The following CAMK2A variants were observed in gnomAD, a reference collection of about 807,000 sequenced individuals.
The protein encoded by CAMK2A is calcium/calmodulin-dependent protein kinase type II subunit alpha.
A neutral mutation model predicts 79.2 loss-of-function variants in CAMK2A; 7 were observed. The observed-to-expected ratio is 0.09, with a 90% CI of 0.05 to 0.17. CAMK2A has a LOEUF of 0.17. Among genes scored for constraint, CAMK2A ranks in the 10% least tolerant of loss-of-function variants. The pLI is 1.00. For synonymous variants in CAMK2A, 242 were observed against 251.7 expected (o/e 0.96, Z 0.36); for missense variants, 214 against 646.4 (o/e 0.33, Z 7.25).
Position 150,250,150 on chromosome 5 carries a change from G to C in CAMK2A, c.900+76C>G, listed in dbSNP as rs74642979. 3.9e-6 allele frequency: 4 copies of C among 1,021,244 alleles called. No individual in the cohort carries two copies. The South Asian group carries it at 5.2e-5, about 13-fold the overall frequency. 63.3% of individuals were successfully genotyped at this position (1,021,244 alleles called of 1,614,324 possible). A position where few individuals can be genotyped will look rare whatever the true frequency, so the allele number is the denominator to read the frequency against. ...TCAATGAAGGAAAGAATTAGTGAGC[G>C]AGTCTCCTGGCCTCTGTGGAGACCC... On this transcript the variant is annotated intron_variant, in intron 11 of 18. Transcript: ENST00000671881.
intron 12 of CAMK2A, among the ~76,000 whole-genome samples, chr5:150,246,332 A>G (rs1343740145): frequency 6.6e-6 from 1 of 152,172 alleles, no homozygotes; most frequent in East Asian, 1.9e-4. Context: ...GGGTTGGACT[A>G]GGATGTGCAG....
intron 3 of CAMK2A, among the ~76,000 whole-genome samples, chr5:150,260,384 G>A (rs564069548): frequency 1.3e-4 from 20 of 151,700 alleles, no homozygotes; most frequent in Non-Finnish European, 2.6e-4. Context: ...GTGTGAACCC[G>A]GGAGGCAGAG....
At position 150,221,673 on chromosome 5, in the gene CAMK2A, G is replaced by T; in HGVS notation, c.*1037C>A. 2.5e-6 allele frequency: 1 copy of T among 394,688 alleles called. No homozygotes were observed. Among genetic ancestry groups the T allele is most frequent in the South Asian group, 1.3e-4 (1 of 7,624 alleles). 24.4% of individuals were successfully genotyped at this position (394,688 alleles called of 1,614,324 possible). A position where few individuals can be genotyped will look rare whatever the true frequency, so the allele number is the denominator to read the frequency against. On this transcript the variant is annotated 3_prime_UTR_variant, in exon 19 of 19. Coordinates refer to ENST00000671881, the MANE Select transcript of CAMK2A (RefSeq NM_015981.4). ...AGCTCACCTTGGGACCGAAATGGCA[G>T]AGAGGCCCTTCTCCCCGGAGCTGAG...
At chr5:150,245,036 T>C (rs1755502206) in intron 13 of CAMK2A, 125 bp downstream of exon 13, 5 of 910,922 alleles carry the variant, frequency 5.5e-6, no homozygotes, top group East Asian at 5.2e-5. Flanking sequence ...TGGCCACAAA[T>C]GTGGCCCACG....
intron 3 of CAMK2A, among the ~76,000 whole-genome samples, chr5:150,260,429 A>C (rs1233406302): frequency 6.6e-6 from 1 of 150,482 alleles, no homozygotes; most frequent in Non-Finnish European, 1.5e-5. Flanking sequence ...ACTGCACTCC[A>C]GCCTGGGTGA....
chr5:150,246,857 C>T (rs556216871), intron 12 of CAMK2A, among the ~76,000 whole-genome samples: 1 of 152,364 alleles, frequency 6.6e-6, no homozygotes, highest in African/African-American at 2.4e-5. Context: ...TGCCCTCTTG[C>T]TGTGGTGCTG....
chr5:150,235,291 C>T (rs1015814892), intron 15 of CAMK2A, among the ~76,000 whole-genome samples: 1 of 152,226 alleles, frequency 6.6e-6, no homozygotes, highest in East Asian at 1.9e-4. Context: ...GTGCTTCTTA[C>T]ATCTGGAAAG....
chr5:150,222,342 C>T lies in CAMK2A; in HGVS notation c.*368G>A, dbSNP rs1228327306. 3.3e-6 allele frequency: 2 copies of T among 609,124 alleles called. No individual in the cohort carries two copies. Among genetic ancestry groups the T allele is most frequent in the East Asian group, 5.5e-5 (2 of 36,570 alleles). 37.7% of individuals were successfully genotyped at this position (609,124 alleles called of 1,614,324 possible). A position where few individuals can be genotyped will look rare whatever the true frequency, so the allele number is the denominator to read the frequency against. ...TGCTGCCTTCCTCATCATGCCACCC[C>T]TCCTTCTCCCCAGCCCCTGGTGGGC... On this transcript the variant is annotated 3_prime_UTR_variant, in exon 19 of 19. Transcript: ENST00000671881.
intron 13 of CAMK2A, among the ~76,000 whole-genome samples, chr5:150,241,116 G>T (rs1562150725): frequency 6.6e-6 from 1 of 152,230 alleles, no homozygotes; most frequent in Non-Finnish European, 1.5e-5. Flanking sequence ...TGGGCCAGGA[G>T]TGGCCTTTGA....
In CAMK2A at chr5:150,221,518, G is replaced by A. The variant is rs946874282; in HGVS notation, c.*1192C>T. On this transcript the variant is annotated 3_prime_UTR_variant, in exon 19 of 19. Coordinates refer to ENST00000671881, the MANE Select transcript of CAMK2A (RefSeq NM_015981.4). ...TTCGGTAGAGAAGACCCCAGTTTGC[G>A]AGGGAAGCAAAGAAAAGTCCAGGTA... 2.3e-5 allele frequency: 9 copies of A among 398,576 alleles called. No homozygotes were observed. In the Admixed American group the frequency reaches 3.1e-4, roughly 14 times the overall value. The allele number at this position is 398,576 out of a possible 1,614,324, so 24.7% of individuals were successfully genotyped here. A position where few individuals can be genotyped will look rare whatever the true frequency, so the allele number is the denominator to read the frequency against.
intron 17 of CAMK2A, 100 bp downstream of exon 17, chr5:150,228,092 G>A: frequency 1.0e-6 from 1 of 1,003,718 alleles, no homozygotes; most frequent in Non-Finnish European, 1.5e-6. Context: ...GCTGGCTCCT[G>A]AGCCGCCCCT....
intron 1 of CAMK2A, among the ~76,000 whole-genome samples, chr5:150,288,302 T>C (rs1251537849): frequency 6.6e-6 from 1 of 152,168 alleles, no homozygotes; most frequent in Admixed American, 6.5e-5. Context: ...TGTGCACATT[T>C]AATGAGTCAT....
chr5:150,288,927 C>T (rs1407621752), intron 1 of CAMK2A, among the ~76,000 whole-genome samples: 1 of 152,208 alleles, frequency 6.6e-6, no homozygotes, highest in Admixed American at 6.5e-5. Flanking sequence ...CAGCGGTGCT[C>T]CCCGCTACAG....
chr5:150,228,343 G>T, intron 16 of CAMK2A, 57 bp from the exon 17 acceptor site: 2 of 1,239,102 alleles, frequency 1.6e-6, no homozygotes, highest in South Asian at 1.3e-5. Context: ...TTGGACCCTT[G>T]GAGGGTGAGC....
intron 6 of CAMK2A, among the ~76,000 whole-genome samples, chr5:150,254,352 C>T (rs1485652603): frequency 6.6e-6 from 1 of 152,196 alleles, no homozygotes; most frequent in East Asian, 1.9e-4. Flanking sequence ...GGGGGCCACA[C>T]AGCAGGCACT....
intron 1 of CAMK2A, among the ~76,000 whole-genome samples, chr5:150,275,188 C>A (rs6896910): frequency 6.6e-6 from 1 of 152,148 alleles, no homozygotes; most frequent in Non-Finnish European, 1.5e-5. Context: ...GGGCCTCACA[C>A]AGCTGTGGCT....
intron 16 of CAMK2A, among the ~76,000 whole-genome samples, chr5:150,230,335 A>AG (rs1754787019): frequency 8.6e-6 from 1 of 116,808 alleles, no homozygotes; most frequent in African/African-American, 2.6e-5. Flanking sequence ...AAAAAAAAAA[A>AG]AAAAAGGGAA....
intron 16 of CAMK2A, 51 bp from the exon 17 acceptor site, chr5:150,228,337 A>C: frequency 7.6e-7 from 1 of 1,314,648 alleles, no homozygotes; most frequent in Non-Finnish European, 1.1e-6. Context: ...TTCTCATTGG[A>C]CCCTTGGAGG....
intron 15 of CAMK2A, among the ~76,000 whole-genome samples, chr5:150,237,413 A>T (rs1755131468): frequency 6.6e-6 from 1 of 151,200 alleles, no homozygotes; most frequent in Non-Finnish European, 1.5e-5. Flanking sequence ...TCTGCTACAC[A>T]CCTGAGTGTG....
Sources: gnomAD v4.1 joint callset for allele counts (sites outside exome capture counted in the v4.1 genomes callset) on GRCh38, gnomAD v4.1.1 for gene constraint, MANE v1.5 for transcripts, NCBI Gene and HGNC (gene_info 2026-07-23, HGNC 2026-07-21) for gene names.